Variants in CCDC158 observed in about 807,000 individuals in gnomAD.
CCDC158 encodes the protein coiled-coil domain-containing protein 158.
In CCDC158, 116 loss-of-function variants were observed where a neutral mutation model predicts 138.6. The ratio of observed to expected loss-of-function variants is 0.84; its 90% CI spans 0.72 to 0.98. CCDC158 has a LOEUF of 0.98. Among genes scored for constraint, CCDC158 ranks in the 50% least tolerant of loss-of-function variants. The probability of loss-of-function intolerance (pLI) is 0.00; values close to 1 mark genes in which losing one functional copy is unlikely to be tolerated. For missense variants in CCDC158, 1,265 were observed against 1,306.1 expected, an observed-to-expected ratio of 0.97 and a Z score of 0.48; for synonymous variants, 436 against 442.4, an observed-to-expected ratio of 0.99 and a Z score of 0.18.
intron 7 of CCDC158, among the ~76,000 whole-genome samples, chr4:76,383,301 C>A (rs1212695255): frequency 6.6e-6 from 1 of 152,166 alleles, no homozygotes; most frequent in African/African-American, 2.4e-5. Flanking sequence ...AAGCCCTTGG[C>A]CTGCATTTAG....
chr4:76,375,480 T>C (rs1206290310), intron 9 of CCDC158: 1 of 673,098 alleles, frequency 1.5e-6, no homozygotes, highest in East Asian at 2.7e-5. Flanking sequence ...GCACAGAATC[T>C]TCCTGCACAG....
chr4:76,355,825 G>GTGTT (rs1553892448), intron 14 of CCDC158, among the ~76,000 whole-genome samples: 1 of 151,478 alleles, frequency 6.6e-6, no homozygotes, highest in Non-Finnish European at 1.5e-5. Context: ...GTGTGTGTGT[G>GTGTT]TGTGTAGACA....
intron 13 of CCDC158, 46 bp from the exon 14 acceptor site, chr4:76,357,572 C>A (rs1002479961): frequency 2.5e-6 from 3 of 1,188,482 alleles, no homozygotes; most frequent in South Asian, 2.2e-5. Flanking sequence ...TTTTTCTATC[C>A]CATTGTTAAT....
At chr4:76,342,933 T>C (rs1366512948) in intron 18 of CCDC158, among the ~76,000 whole-genome samples, 2 of 152,168 alleles carry the variant, frequency 1.3e-5, no homozygotes, top group African/African-American at 4.8e-5. Flanking sequence ...GAGGATTGGC[T>C]AAGTCTATAG....
intron 21 of CCDC158, 86 bp from the exon 22 acceptor site, chr4:76,329,053 A>C (rs1026514252): frequency 1.4e-5 from 15 of 1,038,086 alleles, no homozygotes; most frequent in Middle Eastern, 4.0e-4. Context: ...GAACACAGGC[A>C]AATGTGATGG....
At chr4:76,313,320 G>T (rs1231668542) in intron 24 of CCDC158, 74 bp from the exon 25 acceptor site, 7 of 833,428 alleles carry the variant, frequency 8.4e-6, no homozygotes, top group South Asian at 1.7e-5. Context: ...CTACTTAAAA[G>T]ATCAGCTTGA....
intron 24 of CCDC158, among the ~76,000 whole-genome samples, chr4:76,318,932 AGCCTG>A (rs1719670328): frequency 6.6e-6 from 1 of 152,210 alleles, no homozygotes. Context: ...GTTCGAGACC[AGCCTG>A]GCCAACATGG....
At chr4:76,351,191 T>A in intron 17 of CCDC158, 70 bp from the exon 18 acceptor site, 5 of 1,432,128 alleles carry the variant, frequency 3.5e-6, no homozygotes, top group African/African-American at 1.4e-5. Flanking sequence ...GAAATCAAAA[T>A]GTATTTTTTG....
At chr4:76,413,449 T>C (rs1298593540) in intron 1 of CCDC158, among the ~76,000 whole-genome samples, 6 of 142,292 alleles carry the variant, frequency 4.2e-5, no homozygotes, top group Non-Finnish European at 9.0e-5. Flanking sequence ...CACTCCAGCT[T>C]GGGCAACAGA....
At chr4:76,397,304 T>C (rs948736613) in intron 3 of CCDC158, among the ~76,000 whole-genome samples, 1 of 151,998 alleles carries the variant, frequency 6.6e-6, no homozygotes, top group African/African-American at 2.4e-5. Context: ...GTGGTGCAGA[T>C]AGGGATGGGA....
At chr4:76,328,026 A>G (rs577758502) in intron 22 of CCDC158, among the ~76,000 whole-genome samples, 1 of 151,728 alleles carries the variant, frequency 6.6e-6, no homozygotes, top group South Asian at 2.1e-4. Context: ...CATCTATTTT[A>G]TTTTTCATTT....
At position 76,391,799 on chromosome 4, in the gene CCDC158, C is replaced by T. The variant is rs181042240; in HGVS notation, c.288+4470G>A. Among the ~76,000 whole-genome samples, 8 of 151,334 alleles carry T rather than the reference C, an allele frequency of 5.3e-5. No homozygotes were observed. The East Asian group carries it at 1.6e-3, about 29-fold the overall frequency. The stretch of plus-strand genomic sequence containing the variant: ...AGACTAAGAAAAAAAGAGAGAAGAC[C>T]CAAATAAATAAAATCAGAGACAAAA... On this transcript the variant is annotated intron_variant, in intron 4 of 24. Transcript: ENST00000682701.
At chr4:76,332,750 T>C (rs1175431253) in intron 19 of CCDC158, among the ~76,000 whole-genome samples, 2 of 152,178 alleles carry the variant, frequency 1.3e-5, no homozygotes, top group Non-Finnish European at 2.9e-5. Context: ...CAAATTAACA[T>C]AAACTCTCTA....
rs545475810 is a variant in CCDC158 at position 76,335,807 on chromosome 4, A to C, written c.2665-1640T>G. Among the ~76,000 whole-genome samples the C allele has an allele frequency of 2.6e-5, 4 of 152,254 alleles. No individual in the cohort carries two copies. In the South Asian group the frequency reaches 8.3e-4, roughly 32 times the overall value. ...TGGATGATCTCAAACTCCTGGACTC[A>C]GGCGATCCACGCATCTTGGTTTCCC... is the stretch of plus-strand genomic sequence containing the variant. On this transcript the variant is annotated intron_variant, in intron 18 of 24. Transcript: ENST00000682701.
chr4:76,416,928 G>T (rs1729746483), intron 1 of CCDC158, among the ~76,000 whole-genome samples: 1 of 152,208 alleles, frequency 6.6e-6, no homozygotes, highest in Non-Finnish European at 1.5e-5. Flanking sequence ...TAATGGAGTT[G>T]TTAAGAAGAG....
At chr4:76,331,103 TCTC>T (rs1720966766) in intron 21 of CCDC158, among the ~76,000 whole-genome samples, 1 of 152,112 alleles carries the variant, frequency 6.6e-6, no homozygotes, top group East Asian at 1.9e-4. Flanking sequence ...GGCTCGGATA[TCTC>T]TGTCTATTTA....
intron 2 of CCDC158, among the ~76,000 whole-genome samples, chr4:76,405,657 A>C (rs1419233866): frequency 6.6e-6 from 1 of 152,224 alleles, no homozygotes; most frequent in Non-Finnish European, 1.5e-5. Flanking sequence ...AGGAGAATAA[A>C]TGTAACTAAA....
At chr4:76,345,945 C>CA (rs57290962) in intron 18 of CCDC158, among the ~76,000 whole-genome samples, 4,489 of 151,614 alleles carry the variant, frequency 0.03, 223 homozygotes, top group African/African-American at 0.1. Context: ...CAATCCTAAA[C>CA]AAAAAAAACA....
chr4:76,362,125 C>T lies in CCDC158; in HGVS notation c.2020+1G>A. On this transcript the variant is annotated splice_donor_variant, in intron 13 of 24. Coordinates refer to ENST00000682701, the MANE Select transcript of CCDC158 (RefSeq NM_001394954.1). LOFTEE classifies it high-confidence loss of function. ...GTAGGATTTGTGCTGAAGCAACATA[C>T]CTGAAAGATTGTTTAATTCACTCCT... 4 of 1,612,480 alleles carry T rather than the reference C, an allele frequency of 2.5e-6. No individual in the cohort carries two copies. Among genetic ancestry groups the T allele is most frequent in the Non-Finnish European group, 3.4e-6 (4 of 1,179,152 alleles).
Sources: allele counts gnomAD v4.1 joint callset (sites outside exome capture counted in the v4.1 genomes callset), GRCh38; gene constraint gnomAD v4.1.1; transcripts MANE v1.5; gene names NCBI Gene and HGNC (gene_info 2026-07-23, HGNC 2026-07-21).